Variants in MEIKIN observed in about 807,000 individuals in gnomAD.
MEIKIN encodes the protein meiosis-specific kinetochore protein.
At chr5:131,889,087 A>G (rs1448241578) in intron 8 of MEIKIN, among the ~76,000 whole-genome samples, 1 of 152,200 alleles carries the variant, frequency 6.6e-6, no homozygotes, top group Non-Finnish European at 1.5e-5. Context: ...TTTTGGTACC[A>G]GTACCATGCT....
intron 10 of MEIKIN, among the ~76,000 whole-genome samples, chr5:131,852,634 T>C (rs1750133876): frequency 6.6e-6 from 1 of 152,088 alleles, no homozygotes; most frequent in South Asian, 2.1e-4. Context: ...AGACAGAAAC[T>C]AAATCAGTAG....
chr5:131,870,588 CATGCATTCTCAGAACA>C (rs1295941651), intron 9 of MEIKIN, among the ~76,000 whole-genome samples: 4 of 152,212 alleles, frequency 2.6e-5, no homozygotes, highest in Non-Finnish European at 5.9e-5. Flanking sequence ...TTTCCATCTT[CATGCATTCTCAGAACA>C]CCTGTCTTTC....
chr5:131,912,513 C>T (rs1751347893), intron 7 of MEIKIN, among the ~76,000 whole-genome samples: 1 of 151,902 alleles, frequency 6.6e-6, no homozygotes, highest in African/African-American at 2.4e-5. Context: ...CAGCCTCTGA[C>T]CACAAAAATG....
At chr5:131,906,085 T>C (rs12653237) in intron 8 of MEIKIN, among the ~76,000 whole-genome samples, 55,681 of 151,776 alleles carry the variant, frequency 0.37, 12,285 homozygotes, top group African/African-American at 0.63. Flanking sequence ...ACAGAATCAA[T>C]AATCTACAGA....
chr5:131,870,750 T>C (rs1429791988), intron 9 of MEIKIN, among the ~76,000 whole-genome samples: 3 of 152,306 alleles, frequency 2.0e-5, no homozygotes, highest in Admixed American at 6.5e-5. Context: ...CTTGAATACA[T>C]GCCTATTTCT....
chr5:131,813,265 A>C (rs1462767322), intron 12 of MEIKIN, among the ~76,000 whole-genome samples: 1 of 152,228 alleles, frequency 6.6e-6, no homozygotes, highest in Non-Finnish European at 1.5e-5. Context: ...TATGATATGC[A>C]GGTACTGCCT....
intron 4 of MEIKIN, among the ~76,000 whole-genome samples, chr5:131,940,025 T>C (rs879504085): frequency 1.3e-5 from 2 of 152,218 alleles, no homozygotes; most frequent in Non-Finnish European, 2.9e-5. Flanking sequence ...AAGATAGTGC[T>C]AATTCTCAAT....
intron 11 of MEIKIN, among the ~76,000 whole-genome samples, 157 bp downstream of exon 11, chr5:131,851,107 C>G (rs749823621): frequency 6.6e-6 from 1 of 152,104 alleles, no homozygotes; most frequent in Non-Finnish European, 1.5e-5. Context: ...AAGACCCTAA[C>G]CAAAGTGTAA....
rs1772928497 is a variant in MEIKIN, at chr5:131,810,300, A to G, written c.1100-3042T>C. 3.3e-5 allele frequency among the ~76,000 whole-genome samples: 5 copies of G among 152,352 alleles called. No homozygotes were observed. In the South Asian group the frequency reaches 1.0e-3, roughly 32 times the overall value. On this transcript the variant is annotated intron_variant, in intron 12 of 12. Coordinates refer to ENST00000442687, the MANE Select transcript of MEIKIN (RefSeq NM_001303622.2). ...GATATGAATTCATAACACATAATTT[A>G]TCGTCTCTTCTGGAGCTCAAAATAG...
chr5:131,857,238 C>T (rs1425995466), intron 9 of MEIKIN, among the ~76,000 whole-genome samples: 2 of 152,124 alleles, frequency 1.3e-5, no homozygotes, highest in African/African-American at 4.8e-5. Flanking sequence ...GCACTTCTCA[C>T]ATGTCCTATT....
chr5:131,845,612 C>CAA (rs34164950), intron 11 of MEIKIN, among the ~76,000 whole-genome samples: 2,490 of 149,188 alleles, frequency 0.017, 27 homozygotes, highest in Non-Finnish European at 0.02. Context: ...TCAAAAGAAG[C>CAA]AAAAAAAAAA....
intron 11 of MEIKIN, among the ~76,000 whole-genome samples, chr5:131,836,799 T>G (rs1226631830): frequency 1.3e-5 from 2 of 152,132 alleles, no homozygotes; most frequent in Non-Finnish European, 2.9e-5. Context: ...TATTAGACCT[T>G]TGTTAGATGC....
Position 131,868,429 on chromosome 5 carries a change from T to C in MEIKIN, c.774+10549A>G, listed in dbSNP as rs761813876. ...GCAATTCCAATTGCCTAATGACATATGATGTTGAACAACTTTTCATAAACT... is the reference window on the plus strand; with the variant it reads ...GCAATTCCAATTGCCTAATGACATACGATGTTGAACAACTTTTCATAAACT... On this transcript the variant is annotated intron_variant, in intron 9 of 12. Transcript: ENST00000442687. 3.3e-5 allele frequency among the ~76,000 whole-genome samples: 5 copies of C among 152,336 alleles called. No individual in the cohort carries two copies. The East Asian group carries it at 9.6e-4, about 29-fold the overall frequency.
At chr5:131,920,878 T>C (rs1238807318) in intron 6 of MEIKIN, among the ~76,000 whole-genome samples, 7 of 152,010 alleles carry the variant, frequency 4.6e-5, no homozygotes, top group Admixed American at 4.6e-4. Flanking sequence ...ATTTTTTATT[T>C]TTTGTAGAGA....
chr5:131,867,031 T>A (rs965746689), intron 9 of MEIKIN, among the ~76,000 whole-genome samples: 1 of 152,142 alleles, frequency 6.6e-6, no homozygotes, highest in African/African-American at 2.4e-5. Context: ...CCATTATTTT[T>A]CTCTATTTCC....
At chr5:131,849,033 A>G (rs1417982945) in intron 11 of MEIKIN, among the ~76,000 whole-genome samples, 1 of 152,196 alleles carries the variant, frequency 6.6e-6, no homozygotes, top group African/African-American at 2.4e-5. Flanking sequence ...TAAAAACAAT[A>G]AACTAGGAAT....
chr5:131,855,581 T>G (rs1750178546), intron 9 of MEIKIN, among the ~76,000 whole-genome samples: 6 of 143,022 alleles, frequency 4.2e-5, no homozygotes, highest in East Asian at 2.1e-4. Flanking sequence ...AAGGAAGAGG[T>G]AGAGGAGAGG....
At chr5:131,837,496 ATG>A (rs1749830606) in intron 11 of MEIKIN, among the ~76,000 whole-genome samples, 1 of 152,032 alleles carries the variant, frequency 6.6e-6, no homozygotes, top group Admixed American at 6.6e-5. Context: ...TGAGCATGGG[ATG>A]TGTTTCCATT....
At chr5:131,872,332 C>T (rs1210262261) in intron 9 of MEIKIN, among the ~76,000 whole-genome samples, 4 of 152,022 alleles carry the variant, frequency 2.6e-5, no homozygotes, top group African/African-American at 9.7e-5. Flanking sequence ...AACCACGGCA[C>T]GAGAACTATG....
Sources: gnomAD v4.1 joint callset for allele counts (sites outside exome capture counted in the v4.1 genomes callset) on GRCh38, gnomAD v4.1.1 for gene constraint, MANE v1.5 for transcripts, NCBI Gene and HGNC (gene_info 2026-07-23, HGNC 2026-07-21) for gene names.